TJP2: variants seen among roughly 807,000 people sequenced by gnomAD.
TJP2 encodes the protein Friedreich ataxia region gene X104 (tight junction protein ZO-2).
In TJP2, 91 loss-of-function variants were observed where a neutral mutation model predicts 133.1. The observed-to-expected ratio is 0.68, with a 90% confidence interval of 0.58 to 0.81. TJP2 has a LOEUF of 0.81. Among genes scored for constraint, TJP2 ranks in the 40% least tolerant of loss-of-function variants. The pLI is 0.00. For missense variants in TJP2, 1,541 were observed against 1,565.6 expected, an observed-to-expected ratio of 0.98 and a Z score of 0.26; for synonymous variants, 592 against 583.4, an observed-to-expected ratio of 1.01 and a Z score of -0.21.
chr9:69,190,959 C>A (rs1457146940), intron 1 of TJP2, among the ~76,000 whole-genome samples: 1 of 152,222 alleles, frequency 6.6e-6, no homozygotes, highest in Non-Finnish European at 1.5e-5. Context: ...TGGCTCCTGC[C>A]TCAGACCTCC....
intron 1 of TJP2, chr9:69,121,784 G>C (rs992318356): frequency 3.9e-5 from 6 of 152,390 alleles, no homozygotes; most frequent in Non-Finnish European, 8.8e-5. Flanking sequence ...CACGCCCCGG[G>C]AGAGCCGCCG....
rs41277911 is a variant in TJP2, at chr9:69,252,933, C to T, written c.3407+33C>T. 27,675 of 1,599,170 alleles carry T rather than the reference C, an allele frequency of 0.017. 298 individuals are homozygous for T. The highest frequency in any genetic ancestry group is 0.024 in the Middle Eastern group (147 of 6,028). Reference sequence around the variant, plus strand: ...CTGCCTAGTGGGTACAGGTCTAAGGCGGGGACTTCTCAAGGACTGGGACTT... The same window carrying T: ...CTGCCTAGTGGGTACAGGTCTAAGGTGGGGACTTCTCAAGGACTGGGACTT... On this transcript the variant is annotated intron_variant, in intron 22 of 22. Transcript: ENST00000377245.
intron 17 of TJP2, among the ~76,000 whole-genome samples, chr9:69,244,082 G>T (rs1588146873): frequency 6.6e-6 from 1 of 151,462 alleles, no homozygotes; most frequent in East Asian, 1.9e-4. Context: ...TACTTGGGAG[G>T]CTGAGGTGGG....
rs140954257 is a variant in TJP2, at chr9:69,178,436, T to C, written c.60+4004T>C. 4.8e-3 allele frequency among the ~76,000 whole-genome samples: 731 copies of C among 152,278 alleles called. 5 individuals are homozygous for C. The highest frequency in any genetic ancestry group is 0.01 in the Middle Eastern group (3 of 294). On this transcript the variant is annotated intron_variant, in intron 1 of 22. Coordinates refer to ENST00000377245, the MANE Select transcript of TJP2 (RefSeq NM_004817.4). ...AATTATCAACTCTGGGAATGAGTAA[T>C]ATGAGGCTAAGGCAAAAATGGTAAA...
At chr9:69,160,429 A>G (rs1205197778) in intron 2 of TJP2, among the ~76,000 whole-genome samples, 2 of 152,128 alleles carry the variant, frequency 1.3e-5, no homozygotes, top group African/African-American at 4.8e-5. Flanking sequence ...CCTTCTACAA[A>G]CCTGATTTTG....
chr9:69,239,682 C>T lies in TJP2; in HGVS notation c.2356-255C>T, dbSNP rs184914022. ...AAAAATTAGCTGGCCATGGTGGTGG[C>T]GGGCACCTGTAATCCCAGCTACTCA... On this transcript the variant is annotated intron_variant, in intron 16 of 22. Coordinates refer to ENST00000377245, the MANE Select transcript of TJP2 (RefSeq NM_004817.4). Among the ~76,000 whole-genome samples the T allele has an allele frequency of 4.8e-3, 729 of 152,070 alleles. 7 individuals carry two copies. Among genetic ancestry groups the T allele is most frequent in the Non-Finnish European group, 7.5e-3 (507 of 67,996 alleles).
chr9:69,150,333 C>T (rs1373145958), intron 1 of TJP2, among the ~76,000 whole-genome samples: 3 of 140,970 alleles, frequency 2.1e-5, no homozygotes, highest in African/African-American at 2.6e-5. Flanking sequence ...TCACTCTTGT[C>T]GCCAGGCTGG....
At chr9:69,122,267 C>T (rs1191165804) in intron 1 of TJP2, 1 of 152,266 alleles carries the variant, frequency 6.6e-6, no homozygotes, top group African/African-American at 2.4e-5. Context: ...GAGCCGGTGC[C>T]TTGGAGTGAC....
At position 69,249,498 on chromosome 9, in the gene TJP2, G is replaced by A; in HGVS notation, c.2991+13G>A. On this transcript the variant is annotated intron_variant, in intron 20 of 22. Transcript: ENST00000377245. Reference sequence around the variant, plus strand: ...AGAGCCGCCCAAGGTACGTGGCTGGGAAGCCCAGGATGGGAAGGAAGAGGA... The same window carrying A: ...AGAGCCGCCCAAGGTACGTGGCTGGAAAGCCCAGGATGGGAAGGAAGAGGA... 8 of 1,592,548 alleles carry A rather than the reference G, an allele frequency of 5.0e-6. No homozygotes were observed. Among genetic ancestry groups the A allele is most frequent in the Non-Finnish European group, 6.8e-6 (8 of 1,167,958 alleles).
intron 17 of TJP2, 90 bp from the exon 18 acceptor site, chr9:69,246,600 A>C: frequency 8.9e-7 from 1 of 1,123,172 alleles, no homozygotes; most frequent in African/African-American, 1.5e-5. Context: ...CTTAAATATC[A>C]CAGAAATGAG....
chr9:69,194,185 TC>T (rs1416808137), intron 1 of TJP2, among the ~76,000 whole-genome samples: 1 of 145,830 alleles, frequency 6.9e-6, no homozygotes, highest in Admixed American at 6.7e-5. Context: ...TTTTTATTTT[TC>T]CTTCCCAGGA....
In TJP2 at chr9:69,163,137, T is replaced by C; in HGVS notation, c.-10+11366T>C. On this transcript the variant is annotated intron_variant, in intron 2 of 5. Transcript: ENST00000423935. ...GCCTCCCGGGTTCACGCCATTCTCC[T>C]GCCTCAGCCTCCCAAGTAGCTGGGA... Among the ~76,000 whole-genome samples the C allele has an allele frequency of 2.9e-5, 2 of 69,588 alleles. 1 individual carries two copies. Among genetic ancestry groups the C allele is most frequent in the Non-Finnish European group, 5.8e-5 (2 of 34,578 alleles). The allele number at this position is 69,588 out of a possible 152,430, so 45.7% of individuals were successfully genotyped here.
chr9:69,247,902 G>A, intron 18 of TJP2, 110 bp from the exon 19 acceptor site: 3 of 1,067,004 alleles, frequency 2.8e-6, no homozygotes, highest in Admixed American at 2.4e-5. Flanking sequence ...CTTCCCTGGC[G>A]AGCACATCAA....
intron 1 of TJP2, among the ~76,000 whole-genome samples, chr9:69,192,422 C>T (rs1826265091): frequency 6.6e-6 from 1 of 152,152 alleles, no homozygotes; most frequent in Admixed American, 6.5e-5. Context: ...ACTTGAACTA[C>T]TTATAAACTG....
In TJP2 at chr9:69,241,193, A is replaced by T. The variant is rs538108956; in HGVS notation, c.2566+1046A>T. On this transcript the variant is annotated intron_variant, in intron 17 of 22. Transcript: ENST00000377245. ...AAGAGCCATTGCTATTACTCATGAAAGTAAAATGGTCTAAGAACATGACAT... is the reference window on the plus strand; with the variant it reads ...AAGAGCCATTGCTATTACTCATGAATGTAAAATGGTCTAAGAACATGACAT... 2.0e-5 allele frequency among the ~76,000 whole-genome samples: 3 copies of T among 152,342 alleles called. No homozygotes were observed. In the South Asian group the frequency reaches 6.2e-4, roughly 32 times the overall value.
intron 1 of TJP2, among the ~76,000 whole-genome samples, chr9:69,192,371 G>A (rs1269716069): frequency 6.6e-6 from 1 of 152,120 alleles, no homozygotes; most frequent in Non-Finnish European, 1.5e-5. Context: ...TGGATGCTTA[G>A]AGAACCTAGA....
Position 69,221,297 on chromosome 9 carries a change from AGCCTATCACCGG to A in TJP2, c.759_770del (p.His254_Tyr257del), listed in dbSNP as rs1384588575. 29 of 1,606,870 alleles carry A rather than the reference AGCCTATCACCGG, an allele frequency of 1.8e-5. No homozygotes were observed. Among genetic ancestry groups the A allele is most frequent in the Non-Finnish European group, 2.5e-5 (29 of 1,177,146 alleles). The stretch of plus-strand genomic sequence containing the variant: ...GGAGCATTGACCAGGACTACGAGCG[AGCCTATCACCGG>A]GCCTACGACCCAGACTACGAGCGGG... On this transcript the variant is annotated inframe_deletion, in exon 5 of 23. Coordinates refer to ENST00000377245, the MANE Select transcript of TJP2 (RefSeq NM_004817.4).
intron 17 of TJP2, among the ~76,000 whole-genome samples, chr9:69,242,981 A>T (rs1830673789): frequency 6.6e-6 from 1 of 152,060 alleles, no homozygotes; most frequent in Non-Finnish European, 1.5e-5. Context: ...TTCCCTCCTC[A>T]GCCTCCCCAG....
chr9:69,206,868 C>T (rs557620039), intron 1 of TJP2, among the ~76,000 whole-genome samples: 7 of 152,264 alleles, frequency 4.6e-5, no homozygotes, highest in Non-Finnish European at 7.3e-5. Flanking sequence ...CGAGCCATCG[C>T]GCCCGGCCTC....
Sources: allele counts gnomAD v4.1 joint callset (sites outside exome capture counted in the v4.1 genomes callset), GRCh38; gene constraint gnomAD v4.1.1; transcripts MANE v1.5; gene names NCBI Gene and HGNC (gene_info 2026-07-23, HGNC 2026-07-21).